Variants in RAD54L observed in about 807,000 individuals in gnomAD.
The protein encoded by RAD54L is RAD54 like.
Under a neutral mutation model 91.6 loss-of-function variants are expected in RAD54L, and 74 were observed. The observed-to-expected ratio is 0.81, with a 90% CI of 0.67 to 0.98. RAD54L has a LOEUF of 0.98. RAD54L is among the 50% of genes least tolerant of loss of function. The pLI is 0.00. For missense variants in RAD54L, 887 were observed against 945.7 expected, an observed-to-expected ratio of 0.94 and a Z score of 0.81; for synonymous variants, 304 against 349.7, an observed-to-expected ratio of 0.87 and a Z score of 1.46.
intron 8 of RAD54L, among the ~76,000 whole-genome samples, chr1:46,262,136 G>A (rs934508989): frequency 5.9e-5 from 9 of 151,852 alleles, no homozygotes; most frequent in African/African-American, 1.9e-4. Flanking sequence ...ACATATGACC[G>A]GGCGCGGTGG....
chr1:46,267,353 G>A (rs1557704618), intron 8 of RAD54L, 106 bp from the exon 9 acceptor site: 8 of 1,495,126 alleles, frequency 5.4e-6, no homozygotes, highest in East Asian at 2.3e-5. Context: ...CATGAGCCAC[G>A]GCGCCCGGCC....
chr1:46,256,020 G>C (rs1034036359), intron 3 of RAD54L, among the ~76,000 whole-genome samples: 1 of 152,026 alleles, frequency 6.6e-6, no homozygotes. Flanking sequence ...TTTTAGAATT[G>C]ATGCCAAATT....
intron 3 of RAD54L, among the ~76,000 whole-genome samples, chr1:46,251,247 G>A (rs1448507458): frequency 6.6e-6 from 1 of 152,060 alleles, no homozygotes; most frequent in African/African-American, 2.4e-5. Flanking sequence ...GGGAGGCAGC[G>A]GTTGCAGTGA....
chr1:46,272,025 CTTTTTTTTTTTTTTTTT>C (rs1162693010), intron 10 of RAD54L, among the ~76,000 whole-genome samples: 827 of 41,236 alleles, frequency 0.02, 45 homozygotes, highest in Middle Eastern at 0.12. Context: ...GGTCTGATGA[CTTTTTTTTTTTTTTTTT>C]TTTTTTTTTT....
At chr1:46,261,073 G>A (rs527543899) in intron 7 of RAD54L, 58 bp downstream of exon 7, 104 of 1,588,246 alleles carry the variant, frequency 6.5e-5, no homozygotes, top group African/African-American at 1.2e-4. Flanking sequence ...GCTTTCTTAC[G>A]TGTATGCTCA....
chr1:46,270,906 T>A, intron 10 of RAD54L, 121 bp downstream of exon 10: 1 of 1,340,508 alleles, frequency 7.5e-7, no homozygotes, highest in Non-Finnish European at 1.0e-6. Flanking sequence ...GTGGGTTCTG[T>A]GTCCTAACTA....
intron 7 of RAD54L, 55 bp from the exon 8 acceptor site, chr1:46,261,204 GTT>G (rs750795604): frequency 1.5e-5 from 20 of 1,341,006 alleles, no homozygotes; most frequent in Admixed American, 3.9e-5. Context: ...TGTTTTTTTT[GTT>G]TTTTTTTTTT....
At chr1:46,277,779 G>A (rs376299741) in intron 16 of RAD54L, 38 bp from the exon 17 acceptor site, 500 of 1,563,134 alleles carry the variant, frequency 3.2e-4, no homozygotes, top group Non-Finnish European at 3.6e-4. Context: ...ATGGCTAAGC[G>A]CTGTATCTTT....
intron 3 of RAD54L, among the ~76,000 whole-genome samples, chr1:46,257,918 T>C (rs1051431333): frequency 6.6e-6 from 1 of 152,168 alleles, no homozygotes; most frequent in Non-Finnish European, 1.5e-5. Flanking sequence ...ATTTGTAAAA[T>C]GGAAACACCA....
In RAD54L at chr1:46,267,509, C is replaced by T. The variant is rs766969374; in HGVS notation, c.942C>T (p.Ser314=). The change falls in exon 9 of 18, where the codon AGC becomes AGT. Residue 314 remains serine, a synonymous_variant. Transcript: ENST00000371975. ...ATCAGACTTACCAAGCCCTGGACAGCTTGAACACCAGCCGGCGGGTGCTCA... is the reference window on the plus strand; with the variant it reads ...ATCAGACTTACCAAGCCCTGGACAGTTTGAACACCAGCCGGCGGGTGCTCA... The part of the protein sequence containing the change: ...SENQTYQALD[S]LNTSRRVLIS... The T allele has an allele frequency of 2.5e-6, 4 of 1,614,042 alleles. No individual in the cohort carries two copies. The highest frequency in any genetic ancestry group is 2.2e-5 in the East Asian group (1 of 44,890).
intron 4 of RAD54L, 117 bp from the exon 5 acceptor site, chr1:46,259,845 CAG>C (rs1443831718): frequency 5.9e-6 from 8 of 1,352,466 alleles, no homozygotes; most frequent in Non-Finnish European, 7.4e-6. Context: ...GAGGCATTCT[CAG>C]AGAGAGAGGG....
intron 17 of RAD54L, 23 bp downstream of exon 17, chr1:46,278,003 A>G: frequency 6.2e-7 from 1 of 1,614,128 alleles, no homozygotes; most frequent in Non-Finnish European, 8.5e-7. Context: ...CCTAACCATT[A>G]TCTCTAAGCT....
In RAD54L at chr1:46,249,227, G is replaced by A. The variant is rs138922919; in HGVS notation, c.90+629G>A. Among the ~76,000 whole-genome samples, 682 of 152,322 alleles carry A rather than the reference G, an allele frequency of 4.5e-3. 6 individuals are homozygous for A. The highest frequency in any genetic ancestry group is 0.015 in the African/African-American group (628 of 41,570). Reference sequence around the variant, plus strand: ...AACTTTGAAGGAAGGGATCAGCTACGCAAGGACTAGAAGGCACTTTTTGGC... The same window carrying A: ...AACTTTGAAGGAAGGGATCAGCTACACAAGGACTAGAAGGCACTTTTTGGC... On this transcript the variant is annotated intron_variant, in intron 2 of 17. Transcript: ENST00000371975.
rs1660672113 is a variant in RAD54L, at chr1:46,278,068, C to T, written c.2034-4C>T. ...GTGACTTCAGCTGTGCCTTCTGTCCCTAGGTTGCACTGCCGACGTTGTGTC... is the reference window on the plus strand; with the variant it reads ...GTGACTTCAGCTGTGCCTTCTGTCCTTAGGTTGCACTGCCGACGTTGTGTC... On this transcript the variant is annotated splice_polypyrimidine_tract_variant and splice_region_variant and intron_variant, in intron 17 of 17. Transcript: ENST00000371975. The T allele has an allele frequency of 6.2e-7, 1 of 1,614,016 alleles. No individual in the cohort carries two copies. The highest frequency in any genetic ancestry group is 1.7e-5 in the Admixed American group (1 of 59,998).
chr1:46,259,157 G>T (rs1660025314), intron 4 of RAD54L, among the ~76,000 whole-genome samples: 1 of 151,992 alleles, frequency 6.6e-6, no homozygotes, highest in African/African-American at 2.4e-5. Context: ...GAATAGGGAG[G>T]CCAGCTTTCT....
chr1:46,255,552 G>A (rs931182317), intron 3 of RAD54L, among the ~76,000 whole-genome samples: 6 of 138,238 alleles, frequency 4.3e-5, no homozygotes, highest in Admixed American at 8.2e-5. Flanking sequence ...AGGCTGGAGT[G>A]CAGTGGCGCG....
chr1:46,270,133 G>A (rs2148297528), intron 9 of RAD54L, among the ~76,000 whole-genome samples: 1 of 152,184 alleles, frequency 6.6e-6, no homozygotes, highest in East Asian at 1.9e-4. Context: ...ACTTTGGGAG[G>A]CTGAGGCGGG....
chr1:46,271,593 G>A (rs559563403), intron 10 of RAD54L, among the ~76,000 whole-genome samples: 2 of 152,180 alleles, frequency 1.3e-5, no homozygotes, highest in African/African-American at 4.8e-5. Context: ...GAGAGGCAGA[G>A]GTTGGAGTGA....
intron 10 of RAD54L, among the ~76,000 whole-genome samples, chr1:46,271,278 T>G (rs1261983734): frequency 1.3e-5 from 2 of 152,170 alleles, no homozygotes; most frequent in South Asian, 2.1e-4. Context: ...AGAGGTGGTA[T>G]GCACACTTGA....
Sources: gnomAD v4.1 joint callset for allele counts (sites outside exome capture counted in the v4.1 genomes callset) on GRCh38, gnomAD v4.1.1 for gene constraint, MANE v1.5 for transcripts, NCBI Gene and HGNC (gene_info 2026-07-23, HGNC 2026-07-21) for gene names.